STK33: variants seen among roughly 807,000 people sequenced by gnomAD.
The protein encoded by STK33 is serine/threonine-protein kinase 33.
STK33 carries 52 observed loss-of-function variants against 58.0 expected under a neutral mutation model. That is an observed-to-expected ratio of 0.90 (90% CI 0.72 to 1.13). The LOEUF (loss-of-function observed/expected upper bound fraction) is 1.13, where lower values mean the gene tolerates loss of function less well. STK33 is among the 50% of genes most tolerant of loss of function. The pLI, the probability that STK33 is intolerant of heterozygous loss-of-function variation, is 0.00. For synonymous variants in STK33, 215 were observed against 200.1 expected, an observed-to-expected ratio of 1.07 and a Z score of -0.63; for missense variants, 630 against 604.2, an observed-to-expected ratio of 1.04 and a Z score of -0.45.
At chr11:8,472,085 T>A (rs911802621) in intron 6 of STK33, among the ~76,000 whole-genome samples, 5 of 152,062 alleles carry the variant, frequency 3.3e-5, no homozygotes, top group Non-Finnish European at 7.4e-5. Flanking sequence ...TGCCTCTATA[T>A]CCTGCTAATT....
intron 8 of STK33, among the ~76,000 whole-genome samples, chr11:8,459,795 T>G (rs1311110319): frequency 6.6e-6 from 1 of 151,806 alleles, no homozygotes; most frequent in African/African-American, 2.4e-5. Context: ...GAGAGAGAAA[T>G]CTCCAGAGAT....
chr11:8,557,710 ATTT>A (rs1307576827), intron 1 of STK33, among the ~76,000 whole-genome samples: 1 of 152,058 alleles, frequency 6.6e-6, no homozygotes, highest in African/African-American at 2.4e-5. Flanking sequence ...TCAATGAAAG[ATTT>A]TTACTTCAAC....
rs564101355 is a variant in STK33, at chr11:8,572,071, T to C, written c.-466+22012A>G. Among the ~76,000 whole-genome samples the C allele has an allele frequency of 4.0e-5, 6 of 150,142 alleles. No individual in the cohort carries two copies. In the East Asian group the frequency reaches 9.7e-4, roughly 24 times the overall value. On this transcript the variant is annotated intron_variant, in intron 1 of 15. Coordinates refer to ENST00000687296, the MANE Select transcript of STK33 (RefSeq NM_001352389.2). Reference sequence around the variant, plus strand: ...AATTAATTAATTTTAAAATTAAAAATTAATTTTAAAAAAACTATCCAAGGC... The same window carrying C: ...AATTAATTAATTTTAAAATTAAAAACTAATTTTAAAAAAACTATCCAAGGC...
At chr11:8,590,470 A>G (rs1236514651) in intron 1 of STK33, among the ~76,000 whole-genome samples, 1 of 152,186 alleles carries the variant, frequency 6.6e-6, no homozygotes, top group Non-Finnish European at 1.5e-5. Context: ...CTTTATCAAT[A>G]GAAAATTGTT....
chr11:8,473,076 G>C, intron 6 of STK33, 87 bp downstream of exon 6: 1 of 786,356 alleles, frequency 1.3e-6, no homozygotes, highest in Non-Finnish European at 2.0e-6. Flanking sequence ...TTTCCTTAGA[G>C]ATTTATTTTT....
chr11:8,448,001 A>C lies in STK33; in HGVS notation c.871+4821T>G, dbSNP rs544690231. 2.6e-5 allele frequency among the ~76,000 whole-genome samples: 4 copies of C among 152,340 alleles called. 1 individual carries two copies. The South Asian group carries it at 8.3e-4, about 32-fold the overall frequency. On this transcript the variant is annotated intron_variant, in intron 11 of 15. Coordinates refer to ENST00000687296, the MANE Select transcript of STK33 (RefSeq NM_001352389.2). ...ATTCTTATACACCAATAACAGACAG[A>C]CAGCCAAATCGTTAGTGAACTCCCA...
chr11:8,421,707 T>A (rs1285821231), intron 14 of STK33, among the ~76,000 whole-genome samples: 1 of 152,210 alleles, frequency 6.6e-6, no homozygotes, highest in Non-Finnish European at 1.5e-5. Flanking sequence ...CACATGATTG[T>A]GATATATCTT....
At chr11:8,481,694 A>G (rs1406750349) in intron 1 of STK33, among the ~76,000 whole-genome samples, 2 of 152,148 alleles carry the variant, frequency 1.3e-5, no homozygotes, top group Admixed American at 1.3e-4. Context: ...GCCAGGCTAA[A>G]TTTCCACCTG....
At chr11:8,454,927 G>A (rs777525713) in intron 9 of STK33, 95 bp from the exon 10 acceptor site, 73 of 1,243,084 alleles carry the variant, frequency 5.9e-5, no homozygotes, top group South Asian at 1.4e-4. Context: ...ATTAATATCC[G>A]CTGTTGAAAA....
chr11:8,400,596 C>T lies in STK33; in HGVS notation c.1345-7886G>A, dbSNP rs527957748. Among the ~76,000 whole-genome samples the T allele has an allele frequency of 2.6e-3, 393 of 152,298 alleles. 6 individuals carry two copies. Among genetic ancestry groups the T allele is most frequent in the African/African-American group, 9.1e-3 (378 of 41,550 alleles). ...GCCCTCTCTCACCACTCCTATTTAA[C>T]ATAGTGTTGGAAGTTCTGGCCAGGG... On this transcript the variant is annotated intron_variant, in intron 15 of 15. Coordinates refer to ENST00000687296, the MANE Select transcript of STK33 (RefSeq NM_001352389.2).
intron 1 of STK33, among the ~76,000 whole-genome samples, chr11:8,490,631 C>A (rs927222128): frequency 6.6e-6 from 1 of 152,192 alleles, no homozygotes; most frequent in African/African-American, 2.4e-5. Flanking sequence ...GGGTCCCTGA[C>A]CCCTGTGTAG....
the STK33 span, among the ~76,000 whole-genome samples, chr11:8,371,080 AG>A: frequency 6.6e-6 from 1 of 152,196 alleles, no homozygotes; most frequent in Non-Finnish European, 1.5e-5. Flanking sequence ...CCTGGGGCAG[AG>A]GAGGAACCAT....
intron 1 of STK33, among the ~76,000 whole-genome samples, chr11:8,507,270 A>G (rs1368799347): frequency 6.6e-6 from 1 of 152,150 alleles, no homozygotes; most frequent in Non-Finnish European, 1.5e-5. Context: ...ACGATACCCA[A>G]AGATTGCCTA....
At chr11:8,576,130 T>C (rs543197726) in intron 1 of STK33, among the ~76,000 whole-genome samples, 27 of 151,960 alleles carry the variant, frequency 1.8e-4, no homozygotes, top group Non-Finnish European at 2.9e-4. Flanking sequence ...ATGGGGAAAA[T>C]GAAGAGAGAC....
chr11:8,506,490 G>T (rs915448824), intron 1 of STK33, among the ~76,000 whole-genome samples: 2 of 152,072 alleles, frequency 1.3e-5, no homozygotes, highest in African/African-American at 4.8e-5. Flanking sequence ...GTGTCAGCGG[G>T]GCTGCATTCC....
chr11:8,387,126 A>G (rs963764751), downstream of STK33, among the ~76,000 whole-genome samples: 6 of 152,240 alleles, frequency 3.9e-5, no homozygotes, highest in African/African-American at 1.4e-4. Context: ...ATAGTGCTTG[A>G]GTCTCGACCA....
intron 8 of STK33, among the ~76,000 whole-genome samples, chr11:8,461,002 A>G (rs10840053): frequency 0.094 from 14,273 of 152,242 alleles, 1,572 homozygotes; most frequent in African/African-American, 0.27. Flanking sequence ...CAGATGCTTT[A>G]TATCAATTGT....
intron 1 of STK33, among the ~76,000 whole-genome samples, chr11:8,514,605 G>T (rs375137212): frequency 4.6e-5 from 7 of 152,076 alleles, no homozygotes; most frequent in African/African-American, 1.7e-4. Flanking sequence ...GAACTCTGAA[G>T]GACTTCCAAC....
At chr11:8,335,786 A>G in the STK33 span, among the ~76,000 whole-genome samples, 2 of 152,220 alleles carry the variant, frequency 1.3e-5, no homozygotes, top group African/African-American at 2.4e-5. Context: ...CAACATAAAC[A>G]TTATGAATGA....
Sources: allele counts gnomAD v4.1 joint callset (sites outside exome capture counted in the v4.1 genomes callset), GRCh38; gene constraint gnomAD v4.1.1; transcripts MANE v1.5; gene names NCBI Gene and HGNC (gene_info 2026-07-23, HGNC 2026-07-21).